Variants in SYNPR observed in about 807,000 individuals in gnomAD.
SYNPR encodes the protein synaptoporin.
SYNPR carries 23 observed loss-of-function variants against 32.9 expected under a neutral mutation model. That is an observed-to-expected ratio of 0.70 (90% confidence interval 0.50 to 0.99). The LOEUF (loss-of-function observed/expected upper bound fraction) is 0.99, where lower values mean the gene tolerates loss of function less well. Among genes scored for constraint, SYNPR ranks in the 50% least tolerant of loss-of-function variants. SYNPR has a pLI of 0.00. For synonymous variants in SYNPR, 146 were observed against 135.9 expected (o/e 1.07, Z -0.52); for missense variants, 318 against 349.3 (o/e 0.91, Z 0.71).
chr3:63,528,461 T>C (rs1702056105), intron 3 of SYNPR, among the ~76,000 whole-genome samples: 1 of 152,134 alleles, frequency 6.6e-6, no homozygotes, highest in Admixed American at 6.5e-5. Context: ...TAGCAAAAAG[T>C]TGCCTATCTC....
At chr3:63,433,483 TA>T (rs1269625378) in intron 2 of SYNPR, among the ~76,000 whole-genome samples, 1 of 152,220 alleles carries the variant, frequency 6.6e-6, no homozygotes, top group Non-Finnish European at 1.5e-5. Context: ...TGGACTGTTC[TA>T]AACAGGCCTG....
chr3:63,389,254 A>G (rs1000443660), intron 2 of SYNPR, among the ~76,000 whole-genome samples: 1 of 151,512 alleles, frequency 6.6e-6, no homozygotes, highest in East Asian at 1.9e-4. Context: ...AATCAAGTAA[A>G]CAAAATCTAC....
chr3:63,211,918 T>C, the SYNPR span, among the ~76,000 whole-genome samples: 1 of 101,130 alleles, frequency 9.9e-6, no homozygotes, highest in Non-Finnish European at 2.0e-5. Context: ...GTCCATGTGA[T>C]CTCATTGTTC....
chr3:63,454,491 A>T (rs898361827), intron 2 of SYNPR, among the ~76,000 whole-genome samples: 2 of 152,168 alleles, frequency 1.3e-5, no homozygotes, highest in Admixed American at 1.3e-4. Context: ...ATTTTATGTG[A>T]TACTAACAAT....
At chr3:63,399,600 C>T (rs889517829) in intron 2 of SYNPR, among the ~76,000 whole-genome samples, 5 of 152,048 alleles carry the variant, frequency 3.3e-5, no homozygotes, top group African/African-American at 1.2e-4. Flanking sequence ...AGGGTCCTCT[C>T]TCATGACAAA....
At chr3:63,353,083 C>A (rs191573563) in intron 2 of SYNPR, among the ~76,000 whole-genome samples, 10 of 152,324 alleles carry the variant, frequency 6.6e-5, no homozygotes, top group Admixed American at 2.0e-4. Flanking sequence ...CTTTACAAGA[C>A]ACTGCAATCT....
chr3:63,531,913 C>T (rs1702119279), intron 3 of SYNPR, among the ~76,000 whole-genome samples: 1 of 152,164 alleles, frequency 6.6e-6, no homozygotes, highest in Non-Finnish European at 1.5e-5. Context: ...TCTCCATTTA[C>T]CTACTTCTAT....
chr3:63,515,684 ACT>A lies in SYNPR; in HGVS notation c.209+34731_209+34732del, dbSNP rs566737283. On this transcript the variant is annotated intron_variant, in intron 3 of 5. Coordinates refer to ENST00000478300, the MANE Select transcript of SYNPR (RefSeq NM_001130003.2). ...TAAATGATCTGGATCTTTTTTAATGACTCTGTTTTTATTACTAAACCAACACA... is the reference window on the plus strand; with the variant it reads ...TAAATGATCTGGATCTTTTTTAATGACTGTTTTTATTACTAAACCAACACA... 1.1e-3 allele frequency among the ~76,000 whole-genome samples: 160 copies of A among 152,148 alleles called. 1 individual carries two copies. Among genetic ancestry groups the A allele is most frequent in the African/African-American group, 3.6e-3 (148 of 41,534 alleles).
intron 3 of SYNPR, among the ~76,000 whole-genome samples, chr3:63,506,351 A>G (rs948116302): frequency 6.6e-6 from 1 of 152,174 alleles, no homozygotes; most frequent in Admixed American, 6.6e-5. Flanking sequence ...CAAAAAGCTA[A>G]TAGTTATTAA....
intron 4 of SYNPR, among the ~76,000 whole-genome samples, chr3:63,600,576 G>C (rs1220567061): frequency 6.6e-6 from 1 of 152,158 alleles, no homozygotes; most frequent in Non-Finnish European, 1.5e-5. Flanking sequence ...ATCCCCATGT[G>C]TCAAGGACAG....
intron 1 of SYNPR, chr3:63,252,441 A>AT (rs976116579): frequency 2.0e-4 from 31 of 152,226 alleles, no homozygotes; most frequent in Non-Finnish European, 4.4e-5. Context: ...TGTCTTAAAT[A>AT]TTTTTTGGCT....
intron 3 of SYNPR, among the ~76,000 whole-genome samples, chr3:63,523,840 C>G (rs1441375121): frequency 6.6e-6 from 1 of 152,076 alleles, no homozygotes; most frequent in Non-Finnish European, 1.5e-5. Flanking sequence ...TTTTATTTCC[C>G]TTTTAAAGTG....
At chr3:63,493,815 CAAAA>C (rs3083190) in intron 3 of SYNPR, among the ~76,000 whole-genome samples, 3 of 75,092 alleles carry the variant, frequency 4.0e-5, no homozygotes, top group African/African-American at 5.5e-5. Context: ...GACTCTGTCT[CAAAA>C]AAAAAAAAAA....
chr3:63,253,699 A>G (rs892847188), intron 2 of SYNPR, among the ~76,000 whole-genome samples: 2 of 152,216 alleles, frequency 1.3e-5, no homozygotes, highest in Non-Finnish European at 2.9e-5. Flanking sequence ...AGAAATAAGA[A>G]CACTTTTACA....
Position 63,411,384 on chromosome 3 carries a change from C to CCGTG in SYNPR, c.85-69447_85-69446insGTGC, listed in dbSNP as rs142964536. Among the ~76,000 whole-genome samples the CCGTG allele has an allele frequency of 5.8e-3, 882 of 152,226 alleles. 10 individuals are homozygous for CCGTG. Among genetic ancestry groups the CCGTG allele is most frequent in the African/African-American group, 0.019 (807 of 41,530 alleles). On this transcript the variant is annotated intron_variant, in intron 2 of 5. Transcript: ENST00000478300. ...CAGAGCACATACTGCATGCCTGGCTCCACGCTAGGCAGTGGTGGATATAAT... is the reference window on the plus strand; with the variant it reads ...CAGAGCACATACTGCATGCCTGGCTCCGTGCACGCTAGGCAGTGGTGGATATAAT...
intron 2 of SYNPR, among the ~76,000 whole-genome samples, chr3:63,385,767 T>A (rs1296712006): frequency 6.6e-6 from 1 of 152,192 alleles, no homozygotes; most frequent in Admixed American, 6.5e-5. Flanking sequence ...ACTGGTTACA[T>A]ATGTGAGGAA....
chr3:63,405,552 T>C lies in SYNPR; in HGVS notation c.85-75280T>C, dbSNP rs1358761866. Among the ~76,000 whole-genome samples, 7 of 152,252 alleles carry C rather than the reference T, an allele frequency of 4.6e-5. 1 individual carries two copies. The highest frequency in any genetic ancestry group is 1.9e-4 in the East Asian group (1 of 5,174). On this transcript the variant is annotated intron_variant, in intron 2 of 5. Transcript: ENST00000478300. ...TGAGACCCAGATAGCACAGGGCCCA[T>C]AGACTGTGTTAAAGAAAGAACCTAA...
chr3:63,251,589 C>T (rs2086331314), intron 1 of SYNPR, among the ~76,000 whole-genome samples: 1 of 152,052 alleles, frequency 6.6e-6, no homozygotes. Context: ...TGCAAGATTT[C>T]CCCCAAATCC....
At chr3:63,337,634 G>C (rs771523626) in intron 2 of SYNPR, among the ~76,000 whole-genome samples, 7 of 152,182 alleles carry the variant, frequency 4.6e-5, no homozygotes, top group Non-Finnish European at 8.8e-5. Context: ...TAGTTGAATG[G>C]ATAAACAAAC....
Sources: allele counts gnomAD v4.1 joint callset (sites outside exome capture counted in the v4.1 genomes callset), GRCh38; gene constraint gnomAD v4.1.1; transcripts MANE v1.5; gene names NCBI Gene and HGNC (gene_info 2026-07-23, HGNC 2026-07-21).